Variants in CTNNAL1 observed in about 807,000 individuals in gnomAD.
CTNNAL1 encodes catenin alpha like 1.
CTNNAL1 carries 69 observed loss-of-function variants against 93.6 expected under a neutral mutation model. The observed-to-expected ratio is 0.74, with a 90% CI of 0.61 to 0.90. CTNNAL1 has a LOEUF of 0.90. Among genes scored for constraint, CTNNAL1 ranks in the 40% least tolerant of loss-of-function variants. The pLI is 0.00. For synonymous variants in CTNNAL1, 286 were observed against 305.4 expected, an observed-to-expected ratio of 0.94 and a Z score of 0.66; for missense variants, 836 against 862.0, an observed-to-expected ratio of 0.97 and a Z score of 0.38.
chr9:108,942,685 T>C lies in CTNNAL1; in HGVS notation c.*84A>G. 1 of 948,496 alleles carries C rather than the reference T, an allele frequency of 1.1e-6. No homozygotes were observed. 58.8% of individuals were successfully genotyped at this position (948,496 alleles called of 1,614,324 possible). ...TGTTTTCTTTATAAAATTGATGAATTTCTGAAAAGATAAAGGATCATTTGA... is the reference window on the plus strand; with the variant it reads ...TGTTTTCTTTATAAAATTGATGAATCTCTGAAAAGATAAAGGATCATTTGA... On this transcript the variant is annotated 3_prime_UTR_variant, in exon 19 of 19. Transcript: ENST00000325551.
chr9:108,991,149 A>T (rs1257662409), intron 3 of CTNNAL1, among the ~76,000 whole-genome samples: 1 of 152,240 alleles, frequency 6.6e-6, no homozygotes, highest in Non-Finnish European at 1.5e-5. Flanking sequence ...GCCAAGTCTA[A>T]AAGGTGGGAA....
chr9:108,952,798 C>G (rs138264904), intron 12 of CTNNAL1, among the ~76,000 whole-genome samples: 2 of 152,344 alleles, frequency 1.3e-5, no homozygotes, highest in Non-Finnish European at 2.9e-5. Flanking sequence ...AAGACAACTT[C>G]TGCAGTATTC....
intron 8 of CTNNAL1, among the ~76,000 whole-genome samples, chr9:108,973,980 T>C (rs562403212): frequency 1.2e-4 from 19 of 152,348 alleles, no homozygotes; most frequent in Non-Finnish European, 2.2e-4. Context: ...AAAAAGATTT[T>C]GTTTCACCAG....
At chr9:108,966,691 T>C (rs1340207811) in intron 10 of CTNNAL1, among the ~76,000 whole-genome samples, 7 of 151,518 alleles carry the variant, frequency 4.6e-5, no homozygotes, top group Non-Finnish European at 8.8e-5. Flanking sequence ...ATTTTGGCAT[T>C]TGGGGTTTTA....
chr9:108,959,083 G>T (rs913706923), intron 11 of CTNNAL1, among the ~76,000 whole-genome samples: 9 of 151,864 alleles, frequency 5.9e-5, no homozygotes, highest in African/African-American at 2.2e-4. Context: ...GAGTAGGCTG[G>T]GCATGGTGGC....
chr9:108,942,694 G>A lies in CTNNAL1; in HGVS notation c.*75C>T. On this transcript the variant is annotated 3_prime_UTR_variant, in exon 19 of 19. Transcript: ENST00000325551. ...TATAAAATTGATGAATTTCTGAAAA[G>A]ATAAAGGATCATTTGATTTTTAAAA... 1 of 1,009,802 alleles carries A rather than the reference G, an allele frequency of 9.9e-7. No individual in the cohort carries two copies. Among genetic ancestry groups the A allele is most frequent in the Non-Finnish European group, 1.5e-6 (1 of 657,938 alleles). 62.6% of individuals were successfully genotyped at this position (1,009,802 alleles called of 1,614,324 possible).
Position 108,979,378 on chromosome 9 carries a change from GA to G in CTNNAL1, c.1003del (p.Ser335LeufsTer26). 1 of 1,614,172 alleles carries G rather than the reference GA, an allele frequency of 6.2e-7. No homozygotes were observed. The highest frequency in any genetic ancestry group is 8.5e-7 in the Non-Finnish European group (1 of 1,180,014). ...ILERMEDFTD[S>X]AYTSHEHRER... ...TCTGTGCTCATGGCTGGTGTAGGCA[GA>G]ATCAGTAAAGTCCTCCATACGCTCC... On this transcript the variant is annotated frameshift_variant, in exon 7 of 19. Transcript: ENST00000325551. LOFTEE classifies it high-confidence loss of function.
At chr9:108,972,864 G>GGGCCCCCCC in intron 8 of CTNNAL1, 31 bp from the exon 9 acceptor site, 84 of 142,244 alleles carry the variant, frequency 5.9e-4, no homozygotes, top group Non-Finnish European at 7.7e-4. Context: ...GGGGGGGTGG[G>GGGCCCCCCC]AGGGTGGAGA....
At chr9:108,993,982 C>A (rs1351265329) in intron 2 of CTNNAL1, among the ~76,000 whole-genome samples, 2 of 152,164 alleles carry the variant, frequency 1.3e-5, no homozygotes, top group African/African-American at 4.8e-5. Context: ...GTAATCCTAG[C>A]ACTTTAGGAG....
At chr9:108,969,062 G>C (rs780213697) in intron 10 of CTNNAL1, among the ~76,000 whole-genome samples, 1 of 151,990 alleles carries the variant, frequency 6.6e-6, no homozygotes. Context: ...ATGAGGTCAG[G>C]GGTTTCAGAC....
intron 11 of CTNNAL1, among the ~76,000 whole-genome samples, chr9:108,962,994 T>A (rs1830858102): frequency 1.3e-5 from 2 of 152,156 alleles, no homozygotes; most frequent in East Asian, 3.9e-4. Flanking sequence ...AGATTAGCAC[T>A]CAGATCTCAG....
chr9:108,971,205 G>A (rs1831107432), intron 9 of CTNNAL1, among the ~76,000 whole-genome samples: 1 of 152,078 alleles, frequency 6.6e-6, no homozygotes, highest in Non-Finnish European at 1.5e-5. Context: ...ATGTAAACAA[G>A]TAAAGAAGAG....
chr9:108,944,131 A>G (rs1745116504), intron 15 of CTNNAL1, 113 bp from the exon 16 acceptor site: 1 of 1,064,166 alleles, frequency 9.4e-7, no homozygotes, highest in Non-Finnish European at 1.3e-6. Flanking sequence ...CCTAGATATA[A>G]AAAGTCTGTC....
intron 8 of CTNNAL1, 31 bp from the exon 9 acceptor site, chr9:108,972,864 G>GGGTGCCCCCCCC: frequency 7.0e-6 from 1 of 142,590 alleles, no homozygotes; most frequent in Non-Finnish European, 1.0e-5. Context: ...GGGGGGGTGG[G>GGGTGCCCCCCCC]AGGGTGGAGA....
intron 11 of CTNNAL1, among the ~76,000 whole-genome samples, chr9:108,960,405 ACAAACT>A (rs1830793818): frequency 6.6e-6 from 1 of 152,080 alleles, no homozygotes; most frequent in Admixed American, 6.6e-5. Flanking sequence ...CCATCCCCAA[ACAAACT>A]CATCTTTACC....
chr9:108,950,480 C>T (rs1430961499), intron 14 of CTNNAL1: 11 of 1,545,644 alleles, frequency 7.1e-6, no homozygotes, highest in Non-Finnish European at 8.7e-6. Context: ...ATTTCTAACT[C>T]CTATCATTTC....
intron 9 of CTNNAL1, among the ~76,000 whole-genome samples, chr9:108,972,312 C>T (rs1176897222): frequency 6.6e-6 from 1 of 152,144 alleles, no homozygotes; most frequent in East Asian, 1.9e-4. Context: ...CTTTATTAAA[C>T]TCTCTTCAAA....
chr9:108,958,063 CAAAAAAAAAA>C (rs11291554), intron 11 of CTNNAL1, among the ~76,000 whole-genome samples: 4 of 85,114 alleles, frequency 4.7e-5, no homozygotes, highest in Admixed American at 1.4e-4. Flanking sequence ...AAGACTGTCT[CAAAAAAAAAA>C]AAAAAAAAAA....
chr9:108,952,969 TTAAC>T (rs1022704798), intron 12 of CTNNAL1, among the ~76,000 whole-genome samples: 1 of 152,254 alleles, frequency 6.6e-6, no homozygotes, highest in Non-Finnish European at 1.5e-5. Flanking sequence ...TTCAATTCCT[TTAAC>T]TAATTTGCTC....
Sources: allele counts gnomAD v4.1 joint callset (sites outside exome capture counted in the v4.1 genomes callset), GRCh38; gene constraint gnomAD v4.1.1; transcripts MANE v1.5; gene names NCBI Gene and HGNC (gene_info 2026-07-23, HGNC 2026-07-21).